CTTNBP2NL: variants seen among roughly 807,000 people sequenced by gnomAD.
CTTNBP2NL encodes CTTNBP2 N-terminal like.
Under a neutral mutation model 32.5 loss-of-function variants are expected in CTTNBP2NL, and 16 were observed. The observed-to-expected ratio is 0.49, with a 90% CI of 0.33 to 0.75. The LOEUF is 0.75. Ranked by LOEUF, CTTNBP2NL falls within the 30% of genes least tolerant of loss-of-function variation. CTTNBP2NL has a pLI of 0.02. For synonymous variants in CTTNBP2NL, 298 were observed against 289.4 expected (o/e 1.03, Z -0.30); for missense variants, 645 against 756.0 (o/e 0.85, Z 1.72).
intron 1 of CTTNBP2NL, among the ~76,000 whole-genome samples, chr1:112,404,817 C>T (rs1648611258): frequency 1.3e-5 from 2 of 152,072 alleles, no homozygotes; most frequent in African/African-American, 4.8e-5. Flanking sequence ...TTTGGGAGGC[C>T]GAGGTGGGCG....
intron 3 of CTTNBP2NL, among the ~76,000 whole-genome samples, chr1:112,432,930 A>T (rs2101017695): frequency 6.6e-6 from 1 of 152,232 alleles, no homozygotes; most frequent in South Asian, 2.1e-4. Flanking sequence ...AGTAACCGCT[A>T]ATGGCCTCTT....
At chr1:112,406,897 A>G (rs1234239962) in intron 1 of CTTNBP2NL, among the ~76,000 whole-genome samples, 2 of 152,238 alleles carry the variant, frequency 1.3e-5, no homozygotes, top group African/African-American at 4.8e-5. Context: ...TAGCTTAATT[A>G]TAGAGCTGAT....
At chr1:112,446,717 A>G (rs956889263) in intron 3 of CTTNBP2NL, among the ~76,000 whole-genome samples, 2 of 151,988 alleles carry the variant, frequency 1.3e-5, no homozygotes, top group African/African-American at 4.8e-5. Context: ...TGCCCAGCTA[A>G]TTTTTTGTTT....
At chr1:112,445,852 T>C (rs1322707138) in intron 3 of CTTNBP2NL, among the ~76,000 whole-genome samples, 2 of 152,194 alleles carry the variant, frequency 1.3e-5, no homozygotes, top group Admixed American at 6.5e-5. Context: ...TAGTTAACTA[T>C]ATACTACTCA....
chr1:112,457,581 G>C lies in CTTNBP2NL; in HGVS notation c.*169G>C. 3.2e-6 allele frequency: 2 copies of C among 628,102 alleles called. No homozygotes were observed. The highest frequency in any genetic ancestry group is 7.0e-5 in the Admixed American group (2 of 28,622). The allele number at this position is 628,102 out of a possible 1,614,324, so 38.9% of individuals were successfully genotyped here. ...TATTTTTTTAAGTAGAAACTGAGTA[G>C]TTTGGATTTTTATGGCTCACATCTT... On this transcript the variant is annotated 3_prime_UTR_variant, in exon 6 of 6. Coordinates refer to ENST00000271277, the MANE Select transcript of CTTNBP2NL (RefSeq NM_018704.3).
chr1:112,425,640 G>C (rs1270762643), intron 3 of CTTNBP2NL, among the ~76,000 whole-genome samples: 2 of 151,644 alleles, frequency 1.3e-5, no homozygotes, highest in Non-Finnish European at 2.9e-5. Context: ...TTCGTGGGTG[G>C]ATCATTCAAG....
intron 3 of CTTNBP2NL, among the ~76,000 whole-genome samples, chr1:112,425,060 C>T (rs1364719336): frequency 6.6e-6 from 1 of 151,372 alleles, no homozygotes; most frequent in Non-Finnish European, 1.5e-5. Flanking sequence ...CTGGCCTGGA[C>T]CCAAGTGATC....
intron 1 of CTTNBP2NL, among the ~76,000 whole-genome samples, chr1:112,398,344 G>A (rs929842559): frequency 6.6e-6 from 1 of 152,182 alleles, no homozygotes; most frequent in African/African-American, 2.4e-5. Context: ...ATAGTATGCA[G>A]AGGATAGATG....
At chr1:112,413,330 G>A (rs902041734) in intron 2 of CTTNBP2NL, among the ~76,000 whole-genome samples, 3 of 152,218 alleles carry the variant, frequency 2.0e-5, no homozygotes, top group Non-Finnish European at 2.9e-5. Flanking sequence ...CGAGGTCATC[G>A]ATCTTGGCTG....
intron 4 of CTTNBP2NL, among the ~76,000 whole-genome samples, chr1:112,451,922 C>T (rs1650231455): frequency 6.6e-6 from 1 of 152,142 alleles, no homozygotes; most frequent in Non-Finnish European, 1.5e-5. Context: ...CAGCTTCCCT[C>T]CTTCAAAGTA....
chr1:112,438,551 A>T (rs1242785299), intron 3 of CTTNBP2NL, among the ~76,000 whole-genome samples: 2 of 152,042 alleles, frequency 1.3e-5, no homozygotes, highest in Non-Finnish European at 2.9e-5. Context: ...TCTTATTTGG[A>T]TGCCCTTTAT....
chr1:112,391,990 C>CAATAAATAAATAAATAAATAAATA (rs140750530), upstream of CTTNBP2NL, among the ~76,000 whole-genome samples: 216 of 149,176 alleles, frequency 1.4e-3, 1 homozygote, highest in African/African-American at 5.2e-3. Flanking sequence ...GACCCTGTCT[C>CAATAAATAAATAAATAAATAAATA]AATAAATAAA....
At chr1:112,449,852 G>A (rs1650167734) in intron 4 of CTTNBP2NL, among the ~76,000 whole-genome samples, 1 of 152,072 alleles carries the variant, frequency 6.6e-6, no homozygotes, top group Admixed American at 6.6e-5. Flanking sequence ...AAGAGTGTGT[G>A]TGTGTGTTTC....
intron 3 of CTTNBP2NL, among the ~76,000 whole-genome samples, chr1:112,431,823 C>A (rs1031514669): frequency 3.9e-5 from 6 of 151,904 alleles, no homozygotes; most frequent in African/African-American, 1.2e-4. Context: ...CACACAGACA[C>A]CACACACATG....
At chr1:112,424,725 T>G (rs1649338836) in intron 3 of CTTNBP2NL, among the ~76,000 whole-genome samples, 1 of 152,216 alleles carries the variant, frequency 6.6e-6, no homozygotes. Flanking sequence ...AGTGTATAGC[T>G]TTTTCACATT....
intron 3 of CTTNBP2NL, among the ~76,000 whole-genome samples, chr1:112,428,062 A>G (rs1272859717): frequency 2.0e-5 from 3 of 152,064 alleles, no homozygotes; most frequent in African/African-American, 4.8e-5. Flanking sequence ...TTTAATCTCA[A>G]TTATAAGCAT....
chr1:112,457,214 TGA>T lies in CTTNBP2NL; in HGVS notation c.1728_1729del (p.Gly577LysfsTer52). The T allele has an allele frequency of 6.2e-7, 1 of 1,614,112 alleles. No individual in the cohort carries two copies. Among genetic ancestry groups the T allele is most frequent in the South Asian group, 1.1e-5 (1 of 91,076 alleles). On this transcript the variant is annotated frameshift_variant, in exon 6 of 6. Coordinates refer to ENST00000271277, the MANE Select transcript of CTTNBP2NL (RefSeq NM_018704.3). LOFTEE classifies it high-confidence loss of function. ...TCAAGTCCCCAACCATCCCCAGAGCTGAGAGAGGAAACCCTCCACCCATCCCA... is the reference window on the plus strand; with the variant it reads ...TCAAGTCCCCAACCATCCCCAGAGCTGAGAGGAAACCCTCCACCCATCCCA... ...GIKSPTIPRA[E>X]RGNPPPIPPK...
At chr1:112,420,510 A>G (rs529648692) in intron 3 of CTTNBP2NL, among the ~76,000 whole-genome samples, 1 of 151,864 alleles carries the variant, frequency 6.6e-6, no homozygotes, top group Non-Finnish European at 1.5e-5. Flanking sequence ...TCTGTCGCCT[A>G]GGCTAGAGTG....
intron 1 of CTTNBP2NL, among the ~76,000 whole-genome samples, chr1:112,407,045 G>A (rs1648687125): frequency 6.6e-6 from 1 of 152,086 alleles, no homozygotes; most frequent in Non-Finnish European, 1.5e-5. Flanking sequence ...CTTTCCTCGT[G>A]GGATCCTGAA....
Sources: allele counts gnomAD v4.1 joint callset (sites outside exome capture counted in the v4.1 genomes callset), GRCh38; gene constraint gnomAD v4.1.1; transcripts MANE v1.5; gene names NCBI Gene and HGNC (gene_info 2026-07-23, HGNC 2026-07-21).